The following GRIK4 variants were observed in gnomAD, a reference collection of about 807,000 sequenced individuals.
The protein encoded by GRIK4 is glutamate ionotropic receptor kainate type subunit 4.
Under a neutral mutation model 104.9 loss-of-function variants are expected in GRIK4, and 40 were observed. The ratio of observed to expected loss-of-function variants is 0.38; its 90% confidence interval spans 0.30 to 0.50. GRIK4 has a LOEUF of 0.50. Among genes scored for constraint, GRIK4 ranks in the 20% least tolerant of loss-of-function variants. The probability of loss-of-function intolerance (pLI) is 0.93; values close to 1 mark genes in which losing one functional copy is unlikely to be tolerated. For synonymous variants in GRIK4, 485 were observed against 524.9 expected (o/e 0.92, Z 1.04); for missense variants, 1,047 against 1,308.1 (o/e 0.80, Z 3.08).
intron 3 of GRIK4, among the ~76,000 whole-genome samples, chr11:120,769,776 C>G (rs2051652118): frequency 6.6e-6 from 1 of 152,116 alleles, no homozygotes; most frequent in Non-Finnish European, 1.5e-5. Context: ...TCAGTATGCT[C>G]TACTAACAGC....
At chr11:120,708,545 C>T (rs1004352649) in intron 3 of GRIK4, among the ~76,000 whole-genome samples, 2 of 152,116 alleles carry the variant, frequency 1.3e-5, no homozygotes, top group African/African-American at 4.8e-5. Flanking sequence ...GGTATTTTTC[C>T]TTTTGCATCT....
At chr11:120,853,017 A>T (rs2135602652) in intron 8 of GRIK4, among the ~76,000 whole-genome samples, 1 of 152,312 alleles carries the variant, frequency 6.6e-6, no homozygotes, top group East Asian at 1.9e-4. Flanking sequence ...ACTTCTTTCT[A>T]TATGGGGTGC....
At chr11:120,799,775 G>A (rs1230318055) in intron 3 of GRIK4, among the ~76,000 whole-genome samples, 1 of 152,214 alleles carries the variant, frequency 6.6e-6, no homozygotes, top group Non-Finnish European at 1.5e-5. Flanking sequence ...AACTCATGCT[G>A]GATGGCACTG....
At chr11:120,786,426 G>A (rs1209698658) in intron 3 of GRIK4, among the ~76,000 whole-genome samples, 1 of 152,270 alleles carries the variant, frequency 6.6e-6, no homozygotes, top group East Asian at 1.9e-4. Context: ...TAACCCATTG[G>A]ACAGCTTTTT....
intron 11 of GRIK4, among the ~76,000 whole-genome samples, chr11:120,888,572 A>C (rs2134443590): frequency 6.6e-6 from 1 of 152,314 alleles, no homozygotes; most frequent in East Asian, 1.9e-4. Context: ...AAAAGAATAT[A>C]TTTATTGAGA....
At chr11:120,958,031 G>C (rs553329790) in intron 16 of GRIK4, among the ~76,000 whole-genome samples, 1 of 152,358 alleles carries the variant, frequency 6.6e-6, no homozygotes, top group Admixed American at 6.5e-5. Context: ...TCCAGGAAGA[G>C]GGATGGACGA....
At chr11:120,671,896 T>A (rs958137890) in intron 3 of GRIK4, among the ~76,000 whole-genome samples, 2 of 152,226 alleles carry the variant, frequency 1.3e-5, no homozygotes, top group Admixed American at 1.3e-4. Context: ...CTTTCCTCGT[T>A]GCTTGTTTTT....
intron 3 of GRIK4, among the ~76,000 whole-genome samples, chr11:120,755,442 CA>C (rs1389368772): frequency 3.3e-5 from 5 of 151,898 alleles, no homozygotes; most frequent in Non-Finnish European, 7.4e-5. Context: ...CTCATCTCTA[CA>C]AAAAATTTGA....
At chr11:120,834,873 C>T (rs907032314) in intron 7 of GRIK4, among the ~76,000 whole-genome samples, 1 of 152,238 alleles carries the variant, frequency 6.6e-6, no homozygotes, top group Non-Finnish European at 1.5e-5. Flanking sequence ...CCACTGTGAC[C>T]CCGCCCGGAC....
At chr11:120,586,277 A>G (rs1391423474) in intron 1 of GRIK4, among the ~76,000 whole-genome samples, 1 of 152,024 alleles carries the variant, frequency 6.6e-6, no homozygotes, top group Non-Finnish European at 1.5e-5. Flanking sequence ...TTTTCAGGGG[A>G]AGTACCAGAA....
chr11:120,699,043 G>A (rs572870056), intron 3 of GRIK4, among the ~76,000 whole-genome samples: 1 of 152,184 alleles, frequency 6.6e-6, no homozygotes, highest in African/African-American at 2.4e-5. Context: ...ACCTGTGTCT[G>A]TTTGCCCCTG....
At chr11:120,772,744 A>G (rs536775346) in intron 3 of GRIK4, among the ~76,000 whole-genome samples, 1 of 151,722 alleles carries the variant, frequency 6.6e-6, no homozygotes, top group East Asian at 1.9e-4. Flanking sequence ...CATGGGAAGA[A>G]AGGGGAAGGA....
chr11:120,753,340 T>TGTGTGC (rs377163804), intron 3 of GRIK4, among the ~76,000 whole-genome samples: 9,550 of 147,614 alleles, frequency 0.065, 475 homozygotes, highest in African/African-American at 0.13. Context: ...TGTGTGTGTG[T>TGTGTGC]GTGCAGGGTG....
At chr11:120,703,317 C>T (rs2135337826) in intron 3 of GRIK4, among the ~76,000 whole-genome samples, 1 of 152,284 alleles carries the variant, frequency 6.6e-6, no homozygotes, top group East Asian at 1.9e-4. Context: ...TGGGGTCTTT[C>T]AACCTACCCT....
At chr11:120,787,225 C>T (rs2186698) in intron 3 of GRIK4, among the ~76,000 whole-genome samples, 1 of 151,474 alleles carries the variant, frequency 6.6e-6, no homozygotes, top group South Asian at 2.1e-4. Context: ...CAGCTATTCA[C>T]GGCTGAGACA....
At chr11:120,809,339 C>T (rs1036242536) in intron 4 of GRIK4, among the ~76,000 whole-genome samples, 12 of 152,200 alleles carry the variant, frequency 7.9e-5, no homozygotes, top group African/African-American at 2.2e-4. Context: ...AAGAGGTAAA[C>T]GCATCTCCCT....
At chr11:120,687,572 T>G (rs1445604557) in intron 3 of GRIK4, among the ~76,000 whole-genome samples, 3 of 152,162 alleles carry the variant, frequency 2.0e-5, no homozygotes, top group African/African-American at 7.2e-5. Flanking sequence ...GGCCATATGA[T>G]CCTGTAGTTG....
chr11:120,767,020 A>G (rs1165171335), intron 3 of GRIK4, among the ~76,000 whole-genome samples: 1 of 152,012 alleles, frequency 6.6e-6, no homozygotes, highest in East Asian at 1.9e-4. Flanking sequence ...TGGCAGTTGA[A>G]ATATCTTTAT....
intron 3 of GRIK4, among the ~76,000 whole-genome samples, chr11:120,684,917 T>C (rs1227695869): frequency 6.6e-6 from 1 of 152,150 alleles, no homozygotes; most frequent in African/African-American, 2.4e-5. Flanking sequence ...CACTGTGGTC[T>C]CGATCTCCTG....
Sources: allele counts gnomAD v4.1 joint callset (sites outside exome capture counted in the v4.1 genomes callset), GRCh38; gene constraint gnomAD v4.1.1; transcripts MANE v1.5; gene names NCBI Gene and HGNC (gene_info 2026-07-23, HGNC 2026-07-21).